FBXL7: variants seen among roughly 807,000 people sequenced by gnomAD.
The protein encoded by FBXL7 is F-box and leucine rich repeat protein 7, also known as F-box/LRR-repeat protein 7.
Under a neutral mutation model 38.3 loss-of-function variants are expected in FBXL7, and 12 were observed. That is an observed-to-expected ratio of 0.31 (90% CI 0.20 to 0.51). The LOEUF is 0.51. Ranked by LOEUF, FBXL7 falls within the 20% of genes least tolerant of loss-of-function variation. The pLI is 0.98. For missense variants in FBXL7, 567 were observed against 676.4 expected (o/e 0.84, Z 1.79); for synonymous variants, 297 against 300.9 (o/e 0.99, Z 0.13).
At position 15,928,013 on chromosome 5, in the gene FBXL7, C is replaced by T. The variant is rs1741931026; in HGVS notation, c.251C>T (p.Thr84Met). The T allele has an allele frequency of 3.1e-6, 5 of 1,604,264 alleles. No individual in the cohort carries two copies. Among genetic ancestry groups the T allele is most frequent in the African/African-American group, 1.3e-5 (1 of 74,850 alleles). ...TCCTCGTCCTCCATCACCGGGGAGACGGTGGCCATGGTGCACTCCCCGCCC... is the reference window on the plus strand; with the variant it reads ...TCCTCGTCCTCCATCACCGGGGAGATGGTGGCCATGGTGCACTCCCCGCCC... Reference protein sequence around the residue: ...STSSSSITGETVAMVHSPPPT... With the variant: ...STSSSSITGEMVAMVHSPPPT... The change falls in exon 3 of 4, where the codon ACG (threonine) becomes ATG (methionine). Residue 84 changes from threonine (T) to methionine (M), a missense_variant. Transcript: ENST00000504595. The surrounding 1 kb of genome is among the most constrained non-coding windows in gnomAD (Gnocchi z 4.0).
In FBXL7 at chr5:15,795,726, G is replaced by A. The variant is rs1737398903; in HGVS notation, c.128-132164G>A. Among the ~76,000 whole-genome samples, 4 of 152,138 alleles carry A rather than the reference G, an allele frequency of 2.6e-5. No individual in the cohort carries two copies. In the South Asian group the frequency reaches 6.2e-4, roughly 24 times the overall value. On this transcript the variant is annotated intron_variant, in intron 2 of 3. Coordinates refer to ENST00000504595, the MANE Select transcript of FBXL7 (RefSeq NM_012304.5). The stretch of plus-strand genomic sequence containing the variant: ...GCCACATTGTTCTTTAGATGGGGAG[G>A]TGGGACAAAATAGGGGAGAAGGTAA...
intron 2 of FBXL7, among the ~76,000 whole-genome samples, chr5:15,899,544 A>G (rs1037579673): frequency 1.3e-5 from 2 of 152,150 alleles, no homozygotes; most frequent in Non-Finnish European, 2.9e-5. Context: ...TTTGGTCTGA[A>G]TGACTTAAGA....
In FBXL7 at chr5:15,939,620, G is replaced by A. The variant is rs1207836513; in HGVS notation, c.*2434G>A. ...CAGATTTTTGGAGACCAAACCAAAG[G>A]TCTCACTAGGAAATTTATCTGTTTT... On this transcript the variant is annotated 3_prime_UTR_variant, in exon 4 of 4. Coordinates refer to ENST00000504595, the MANE Select transcript of FBXL7 (RefSeq NM_012304.5). The A allele has an allele frequency of 1.3e-5, 2 of 152,550 alleles. No individual in the cohort carries two copies. The highest frequency in any genetic ancestry group is 2.9e-5 in the Non-Finnish European group (2 of 68,062). 9.4% of individuals were successfully genotyped at this position (152,550 alleles called of 1,614,324 possible). A position where few individuals can be genotyped will look rare whatever the true frequency, so the allele number is the denominator to read the frequency against.
chr5:15,645,135 T>C (rs1449077425), intron 2 of FBXL7, among the ~76,000 whole-genome samples: 1 of 152,198 alleles, frequency 6.6e-6, no homozygotes, highest in Non-Finnish European at 1.5e-5. Flanking sequence ...TGTTCCCTTC[T>C]CATTAAGCCA....
intron 1 of FBXL7, among the ~76,000 whole-genome samples, chr5:15,555,677 C>T (rs1373140457): frequency 1.3e-5 from 2 of 152,006 alleles, no homozygotes; most frequent in Admixed American, 6.6e-5. Context: ...CCTCCATTCT[C>T]CTTTGTCCCA....
At chr5:15,674,395 C>T (rs554400188) in intron 2 of FBXL7, among the ~76,000 whole-genome samples, 1 of 152,282 alleles carries the variant, frequency 6.6e-6, no homozygotes, top group Admixed American at 6.5e-5. Context: ...TTACTGATTG[C>T]TCAAAAGGTT....
chr5:15,793,203 T>G (rs1737322371), intron 2 of FBXL7, among the ~76,000 whole-genome samples: 1 of 152,170 alleles, frequency 6.6e-6, no homozygotes, highest in African/African-American at 2.4e-5. Flanking sequence ...AGGGCCGCTG[T>G]ACCAAATACT....
intron 2 of FBXL7, among the ~76,000 whole-genome samples, chr5:15,657,166 T>G (rs1464059688): frequency 1.3e-5 from 2 of 152,182 alleles, no homozygotes; most frequent in Non-Finnish European, 2.9e-5. Flanking sequence ...AATTAACATA[T>G]AAATTTAATG....
At chr5:15,781,446 T>C (rs1435951469) in intron 2 of FBXL7, among the ~76,000 whole-genome samples, 1 of 151,724 alleles carries the variant, frequency 6.6e-6, no homozygotes, top group Non-Finnish European at 1.5e-5. Flanking sequence ...TGTGTGTGTG[T>C]GTGCGCGCGC....
At chr5:15,617,433 T>G (rs918479280) in intron 2 of FBXL7, among the ~76,000 whole-genome samples, 2 of 86,866 alleles carry the variant, frequency 2.3e-5, no homozygotes, top group African/African-American at 7.2e-5. Flanking sequence ...ATTTATTTAT[T>G]TATTTATTTA....
At chr5:15,766,202 C>T (rs1469892349) in intron 2 of FBXL7, among the ~76,000 whole-genome samples, 1 of 152,206 alleles carries the variant, frequency 6.6e-6, no homozygotes, top group African/African-American at 2.4e-5. Flanking sequence ...TGCCTTACAT[C>T]GGCCTCCTAG....
At chr5:15,816,285 A>G (rs1404631102) in intron 2 of FBXL7, among the ~76,000 whole-genome samples, 2 of 145,668 alleles carry the variant, frequency 1.4e-5, no homozygotes, top group South Asian at 2.2e-4. Context: ...ATATATATAT[A>G]TGTGCCATGG....
intron 2 of FBXL7, among the ~76,000 whole-genome samples, chr5:15,645,937 C>G (rs888115376): frequency 6.6e-6 from 1 of 152,176 alleles, no homozygotes; most frequent in Admixed American, 6.5e-5. Context: ...TTCTAACAAT[C>G]ATGTGCGGCC....
At chr5:15,808,861 C>T (rs1283452158) in intron 2 of FBXL7, among the ~76,000 whole-genome samples, 1 of 152,166 alleles carries the variant, frequency 6.6e-6, no homozygotes, top group Non-Finnish European at 1.5e-5. Context: ...CATAGCTGTC[C>T]TTCAGGCCTC....
At chr5:15,552,137 C>T (rs1244992375) in intron 1 of FBXL7, among the ~76,000 whole-genome samples, 1 of 152,226 alleles carries the variant, frequency 6.6e-6, no homozygotes, top group African/African-American at 2.4e-5. Context: ...TCAGGCTATA[C>T]TACACTATGC....
intron 2 of FBXL7, among the ~76,000 whole-genome samples, chr5:15,645,649 T>G (rs1741506539): frequency 6.6e-6 from 1 of 152,224 alleles, no homozygotes; most frequent in African/African-American, 2.4e-5. Context: ...ACTTTCTGAA[T>G]TAACTGAGAC....
intron 2 of FBXL7, among the ~76,000 whole-genome samples, chr5:15,704,311 C>T (rs1250863697): frequency 1.3e-5 from 2 of 152,132 alleles, no homozygotes; most frequent in African/African-American, 4.8e-5. Context: ...GACCTCCCTG[C>T]CTTGGAAATT....
At chr5:15,800,517 T>C (rs1368056784) in intron 2 of FBXL7, among the ~76,000 whole-genome samples, 2 of 152,222 alleles carry the variant, frequency 1.3e-5, no homozygotes, top group African/African-American at 4.8e-5. Flanking sequence ...AGGAAAATGG[T>C]CACTAATGTT....
intron 1 of FBXL7, among the ~76,000 whole-genome samples, chr5:15,577,032 A>G (rs1160920514): frequency 6.6e-6 from 1 of 152,236 alleles, no homozygotes; most frequent in Non-Finnish European, 1.5e-5. Context: ...ATTTTGCCAT[A>G]AAGGCTTTAT....
Sources: gnomAD v4.1 joint callset for allele counts (sites outside exome capture counted in the v4.1 genomes callset) on GRCh38, gnomAD v4.1.1 for gene constraint, Gnocchi (gnomAD v3.1) non-coding constraint, MANE v1.5 for transcripts, NCBI Gene and HGNC (gene_info 2026-07-23, HGNC 2026-07-21) for gene names.